KIAA1217: variants seen among roughly 807,000 people sequenced by gnomAD.
The protein encoded by KIAA1217 is sickle tail protein homolog.
Under a neutral mutation model 163.9 loss-of-function variants are expected in KIAA1217, and 88 were observed. The ratio of observed to expected loss-of-function variants is 0.54; its 90% CI spans 0.45 to 0.64. The LOEUF (loss-of-function observed/expected upper bound fraction) is 0.64. Ranked by LOEUF, KIAA1217 falls within the 30% of genes least tolerant of loss-of-function variation. The pLI, the probability that KIAA1217 is intolerant of heterozygous loss-of-function variation, is 0.00. For synonymous variants in KIAA1217, 903 were observed against 923.1 expected (o/e 0.98, Z 0.39); for missense variants, 2,372 against 2,475.0 (o/e 0.96, Z 0.88).
At chr10:24,111,643 T>G (rs2062849665) in intron 2 of KIAA1217, among the ~76,000 whole-genome samples, 1 of 152,226 alleles carries the variant, frequency 6.6e-6, no homozygotes, top group African/African-American at 2.4e-5. Context: ...CTCCTCTGCA[T>G]AAACGCTTGT....
At chr10:24,264,985 G>C (rs1001408060) in intron 2 of KIAA1217, among the ~76,000 whole-genome samples, 2 of 151,936 alleles carry the variant, frequency 1.3e-5, no homozygotes, top group South Asian at 2.1e-4. Flanking sequence ...TGAGTAGCTG[G>C]GACTACAAGT....
chr10:24,278,568 ATT>A (rs1327854311), intron 2 of KIAA1217, among the ~76,000 whole-genome samples: 1 of 152,152 alleles, frequency 6.6e-6, no homozygotes, highest in Non-Finnish European at 1.5e-5. Context: ...ATTGAGTCTT[ATT>A]TGTCTATTCA....
chr10:24,096,049 A>T (rs1169582265), intron 2 of KIAA1217, among the ~76,000 whole-genome samples: 1 of 152,208 alleles, frequency 6.6e-6, no homozygotes, highest in Non-Finnish European at 1.5e-5. Context: ...TCAAGCCTGC[A>T]GTGAGCTGTG....
At chr10:23,697,112 C>G (rs1425320436) in intron 1 of KIAA1217, among the ~76,000 whole-genome samples, 3 of 152,216 alleles carry the variant, frequency 2.0e-5, no homozygotes. Flanking sequence ...ACGTGCATCT[C>G]TGAACACTTA....
intron 5 of KIAA1217, among the ~76,000 whole-genome samples, chr10:24,465,454 C>T (rs1358648001): frequency 6.6e-6 from 1 of 152,218 alleles, no homozygotes; most frequent in Non-Finnish European, 1.5e-5. Flanking sequence ...GCAAGAACAA[C>T]CTCTAAAAGC....
At chr10:23,800,151 G>A (rs1439243604) in intron 1 of KIAA1217, among the ~76,000 whole-genome samples, 1 of 152,108 alleles carries the variant, frequency 6.6e-6, no homozygotes, top group Admixed American at 6.6e-5. Flanking sequence ...TTAAACAGGA[G>A]TGAGAACTGC....
intron 2 of KIAA1217, among the ~76,000 whole-genome samples, chr10:24,074,810 C>T (rs1003885773): frequency 6.6e-6 from 1 of 151,694 alleles, no homozygotes; most frequent in African/African-American, 2.4e-5. Context: ...AAGTGATCCC[C>T]CACCTCAGCC....
At chr10:23,788,690 G>C (rs142610316) in intron 1 of KIAA1217, among the ~76,000 whole-genome samples, 1 of 152,190 alleles carries the variant, frequency 6.6e-6, no homozygotes, top group Non-Finnish European at 1.5e-5. Context: ...GGAGACAGCA[G>C]CTTCCTGACT....
chr10:24,541,091 G>T (rs975292517), intron 17 of KIAA1217, among the ~76,000 whole-genome samples: 1 of 151,290 alleles, frequency 6.6e-6, no homozygotes, highest in African/African-American at 2.4e-5. Context: ...TTATTTTTGC[G>T]TATATGTGAT....
intron 1 of KIAA1217, among the ~76,000 whole-genome samples, chr10:23,827,887 G>A (rs1018785993): frequency 1.3e-5 from 2 of 152,162 alleles, no homozygotes; most frequent in African/African-American, 2.4e-5. Flanking sequence ...CTGGGGGGAG[G>A]TGGCCTCTAG....
At chr10:24,413,217 G>A (rs1293435215) in intron 3 of KIAA1217, among the ~76,000 whole-genome samples, 2 of 151,976 alleles carry the variant, frequency 1.3e-5, no homozygotes, top group East Asian at 1.9e-4. Context: ...ATGGACTCTC[G>A]CTCTGTCACC....
chr10:23,919,631 A>G (rs1842775314), intron 1 of KIAA1217, among the ~76,000 whole-genome samples: 2 of 138,724 alleles, frequency 1.4e-5, no homozygotes, highest in Middle Eastern at 3.8e-3. Flanking sequence ...AAAAAAAAAA[A>G]GGCTCTGCAG....
intron 2 of KIAA1217, among the ~76,000 whole-genome samples, chr10:24,035,378 T>G (rs1436252002): frequency 1.3e-5 from 2 of 152,086 alleles, no homozygotes; most frequent in Admixed American, 1.3e-4. Context: ...GGGAGGCAAT[T>G]TTTTGTCTTG....
At chr10:23,843,822 T>C (rs1838900168) in intron 1 of KIAA1217, among the ~76,000 whole-genome samples, 1 of 152,182 alleles carries the variant, frequency 6.6e-6, no homozygotes, top group South Asian at 2.1e-4. Flanking sequence ...AACCGATCTC[T>C]TCCTAACCAG....
intron 2 of KIAA1217, among the ~76,000 whole-genome samples, chr10:24,134,676 C>T (rs879407771): frequency 9.2e-5 from 14 of 152,108 alleles, no homozygotes; most frequent in East Asian, 1.9e-4. Context: ...TGGGCTCAAG[C>T]GATCCTCCTA....
intron 1 of KIAA1217, among the ~76,000 whole-genome samples, chr10:23,917,046 CT>C (rs1408872271): frequency 1.3e-5 from 2 of 150,684 alleles, no homozygotes; most frequent in Non-Finnish European, 1.5e-5. Context: ...CCTTTCCCTC[CT>C]TTTTTCTTCT....
At chr10:24,171,859 T>C (rs1459091333) in intron 2 of KIAA1217, among the ~76,000 whole-genome samples, 1 of 152,134 alleles carries the variant, frequency 6.6e-6, no homozygotes, top group African/African-American at 2.4e-5. Flanking sequence ...ATCAACACCA[T>C]AATCAAAAAT....
chr10:23,852,800 G>A (rs1839422481), intron 1 of KIAA1217, among the ~76,000 whole-genome samples: 1 of 152,118 alleles, frequency 6.6e-6, no homozygotes, highest in South Asian at 2.1e-4. Flanking sequence ...GTTCACTCAT[G>A]ATTTGGCTCT....
intron 20 of KIAA1217, chr10:24,545,510 A>C (rs1052269456): frequency 4.8e-5 from 62 of 1,294,714 alleles, no homozygotes; most frequent in Non-Finnish European, 5.9e-5. Context: ...ACTCCGTCAC[A>C]ATGCCCGACC....
Sources: allele counts gnomAD v4.1 joint callset (sites outside exome capture counted in the v4.1 genomes callset), GRCh38; gene constraint gnomAD v4.1.1; transcripts MANE v1.5; gene names NCBI Gene and HGNC (gene_info 2026-07-23, HGNC 2026-07-21).